Variants in OTUD7A observed in about 807,000 individuals in gnomAD.
OTUD7A encodes the protein OTU domain-containing protein 7A.
A neutral mutation model predicts 65.7 loss-of-function variants in OTUD7A; 12 were observed. The observed-to-expected ratio is 0.18, with a 90% CI of 0.12 to 0.30. OTUD7A has a LOEUF of 0.30. OTUD7A is among the 10% of genes least tolerant of loss of function. OTUD7A has a pLI of 1.00. For synonymous variants in OTUD7A, 641 were observed against 586.3 expected, an observed-to-expected ratio of 1.09 and a Z score of -1.35; for missense variants, 1,148 against 1,304.8, an observed-to-expected ratio of 0.88 and a Z score of 1.85.
At chr15:31,535,850 G>GTA (rs940495288) in intron 5 of OTUD7A, among the ~76,000 whole-genome samples, 1 of 148,876 alleles carries the variant, frequency 6.7e-6, no homozygotes, top group African/African-American at 2.5e-5. Context: ...CTAATTTTTT[G>GTA]TATTTTTTTT....
intron 1 of OTUD7A, among the ~76,000 whole-genome samples, chr15:31,771,402 A>G (rs1487386244): frequency 6.6e-6 from 1 of 152,166 alleles, no homozygotes; most frequent in East Asian, 1.9e-4. Flanking sequence ...CCCATGAACC[A>G]TCTCCCTTCC....
At chr15:31,821,492 T>C (rs1205940985) in intron 1 of OTUD7A, among the ~76,000 whole-genome samples, 1 of 152,042 alleles carries the variant, frequency 6.6e-6, no homozygotes, top group Non-Finnish European at 1.5e-5. Context: ...ATATACAATA[T>C]GCCATTGTAT....
intron 8 of OTUD7A, among the ~76,000 whole-genome samples, chr15:31,508,621 G>C (rs909885786): frequency 4.6e-5 from 7 of 152,246 alleles, no homozygotes; most frequent in Admixed American, 4.6e-4. Context: ...CAAAGTGCTG[G>C]GATTACAGGC....
intron 1 of OTUD7A, among the ~76,000 whole-genome samples, chr15:31,849,595 C>T (rs6493990): frequency 0.59 from 89,580 of 151,988 alleles, 26,752 homozygotes; most frequent in East Asian, 0.69. Context: ...GCAGAAGAAA[C>T]TACCATCAGA....
intron 1 of OTUD7A, among the ~76,000 whole-genome samples, chr15:31,814,874 G>C (rs1188033174): frequency 6.6e-6 from 1 of 151,966 alleles, no homozygotes; most frequent in Admixed American, 6.5e-5. Context: ...TTATTTTTTT[G>C]CATAGATATG....
At chr15:31,540,711 A>T (rs986270332) in intron 5 of OTUD7A, among the ~76,000 whole-genome samples, 1 of 152,240 alleles carries the variant, frequency 6.6e-6, no homozygotes, top group African/African-American at 2.4e-5. Flanking sequence ...CCTGAGTTAA[A>T]TAAAGGAGTA....
In OTUD7A at chr15:31,537,011, G is replaced by A. The variant is rs549776615; in HGVS notation, c.551-6203C>T. On this transcript the variant is annotated intron_variant, in intron 5 of 12. Transcript: ENST00000307050. ...TCACTACACATTATATACATGTAACGAAATTTCAGATATACCCCATAAATT... is the reference window on the plus strand; with the variant it reads ...TCACTACACATTATATACATGTAACAAAATTTCAGATATACCCCATAAATT... Among the ~76,000 whole-genome samples the A allele has an allele frequency of 6.6e-4, 100 of 152,214 alleles. No individual in the cohort carries two copies. In the South Asian group the frequency reaches 0.016, roughly 24 times the overall value.
At chr15:31,639,262 T>C (rs561212557) in intron 3 of OTUD7A, among the ~76,000 whole-genome samples, 1 of 152,202 alleles carries the variant, frequency 6.6e-6, no homozygotes, top group East Asian at 1.9e-4. Context: ...TTGCACAATA[T>C]GTAGTTTTTT....
At chr15:31,802,726 T>G (rs187475639) in intron 1 of OTUD7A, among the ~76,000 whole-genome samples, 1 of 152,356 alleles carries the variant, frequency 6.6e-6, no homozygotes, top group African/African-American at 2.4e-5. Context: ...TCTTTTTTAA[T>G]AGACCGGCTT....
chr15:31,856,473 C>T (rs1897576524), intron 1 of OTUD7A, among the ~76,000 whole-genome samples: 2 of 152,128 alleles, frequency 1.3e-5, no homozygotes, highest in Admixed American at 6.5e-5. Context: ...GAACAATGTA[C>T]TCCCACTGCC....
chr15:31,818,849 G>A (rs1896613339), intron 1 of OTUD7A, among the ~76,000 whole-genome samples: 1 of 152,228 alleles, frequency 6.6e-6, no homozygotes, highest in Non-Finnish European at 1.5e-5. Flanking sequence ...AATTTATGTA[G>A]TCCTGGTATC....
intron 1 of OTUD7A, among the ~76,000 whole-genome samples, chr15:31,680,557 A>G (rs1482995404): frequency 1.3e-5 from 2 of 152,206 alleles, no homozygotes; most frequent in Admixed American, 1.3e-4. Context: ...AAAACTGGCT[A>G]TGGTCATGAG....
intron 1 of OTUD7A, chr15:31,767,178 A>C (rs1459761832): frequency 8.3e-7 from 1 of 1,206,288 alleles, no homozygotes; most frequent in South Asian, 1.3e-5. Context: ...GAAGGAACTC[A>C]AATTGTTTAA....
chr15:31,599,232 C>A (rs888692088), intron 3 of OTUD7A, among the ~76,000 whole-genome samples: 2 of 152,194 alleles, frequency 1.3e-5, no homozygotes, highest in Non-Finnish European at 2.9e-5. Flanking sequence ...CCAGGAGGGG[C>A]CAACAGACAC....
At chr15:31,724,199 T>C (rs1242907355) in intron 1 of OTUD7A, among the ~76,000 whole-genome samples, 1 of 152,216 alleles carries the variant, frequency 6.6e-6, no homozygotes. Context: ...TGTCTTTTCA[T>C]TTACAAAAAC....
intron 1 of OTUD7A, among the ~76,000 whole-genome samples, chr15:31,803,272 A>T (rs1274078405): frequency 6.6e-6 from 1 of 152,198 alleles, no homozygotes; most frequent in African/African-American, 2.4e-5. Flanking sequence ...TAGAATAAAA[A>T]CATCTTGCCG....
chr15:31,532,573 T>C (rs1221160882), intron 5 of OTUD7A, among the ~76,000 whole-genome samples: 5 of 149,754 alleles, frequency 3.3e-5, no homozygotes, highest in African/African-American at 1.2e-4. Flanking sequence ...CTCAGGAACA[T>C]GTGGGACTGC....
At chr15:31,753,051 C>T (rs1435823679) in intron 1 of OTUD7A, among the ~76,000 whole-genome samples, 1 of 152,074 alleles carries the variant, frequency 6.6e-6, no homozygotes, top group African/African-American at 2.4e-5. Context: ...TCATCAGGGA[C>T]ATTACTAAGG....
chr15:31,626,879 A>AT (rs1890969539), intron 3 of OTUD7A, among the ~76,000 whole-genome samples: 1 of 138,472 alleles, frequency 7.2e-6, no homozygotes, highest in East Asian at 2.6e-4. Flanking sequence ...CCCGGCCTAT[A>AT]TTTGTTTTTT....
Sources: allele counts gnomAD v4.1 joint callset (sites outside exome capture counted in the v4.1 genomes callset), GRCh38; gene constraint gnomAD v4.1.1; transcripts MANE v1.5; gene names NCBI Gene and HGNC (gene_info 2026-07-23, HGNC 2026-07-21).